The following CEP128 variants were observed in gnomAD, a reference collection of about 807,000 sequenced individuals.
CEP128 encodes the protein centrosomal protein 128kDa.
A neutral mutation model predicts 156.7 loss-of-function variants in CEP128; 132 were observed. The ratio of observed to expected loss-of-function variants is 0.84; its 90% CI spans 0.73 to 0.97. CEP128 has a LOEUF of 0.97. Among genes scored for constraint, CEP128 ranks in the 50% least tolerant of loss-of-function variants. The pLI, the probability that CEP128 is intolerant of heterozygous loss-of-function variation, is 0.00. For missense variants in CEP128, 1,252 were observed against 1,281.9 expected (o/e 0.98, Z 0.36); for synonymous variants, 469 against 448.9 (o/e 1.04, Z -0.57).
At chr14:80,616,770 T>C (rs908481498) in intron 19 of CEP128, among the ~76,000 whole-genome samples, 2 of 152,192 alleles carry the variant, frequency 1.3e-5, no homozygotes, top group Non-Finnish European at 2.9e-5. Context: ...GGTGTAACTG[T>C]AGTTTTAAAA....
chr14:80,809,611 CAA>C (rs1884388364), intron 13 of CEP128, among the ~76,000 whole-genome samples: 1 of 152,006 alleles, frequency 6.6e-6, no homozygotes, highest in Non-Finnish European at 1.5e-5. Context: ...CTAAAACCAC[CAA>C]AGAGGAAAGC....
intron 5 of CEP128, chr14:80,905,370 G>A (rs1883829374): frequency 6.4e-6 from 1 of 155,824 alleles, no homozygotes; most frequent in Admixed American, 6.3e-5. Context: ...TTTAATCATT[G>A]TTACCATAAT....
At chr14:80,654,594 A>C (rs932729302) in intron 19 of CEP128, among the ~76,000 whole-genome samples, 3 of 152,172 alleles carry the variant, frequency 2.0e-5, no homozygotes, top group African/African-American at 4.8e-5. Flanking sequence ...GTTTGGCTTG[A>C]AATGGTGTCT....
chr14:80,857,969 C>T (rs1033043070), intron 9 of CEP128, among the ~76,000 whole-genome samples: 4 of 152,068 alleles, frequency 2.6e-5, no homozygotes, highest in Non-Finnish European at 2.9e-5. Context: ...GGCCATACTG[C>T]CCAAGGTAAT....
chr14:80,604,299 TG>T, intron 19 of CEP128, among the ~76,000 whole-genome samples: 1 of 152,164 alleles, frequency 6.6e-6, no homozygotes. Flanking sequence ...GAAGTGTATA[TG>T]GTCAAGTATT....
intron 19 of CEP128, among the ~76,000 whole-genome samples, chr14:80,595,859 G>T (rs1892292306): frequency 6.6e-6 from 1 of 152,102 alleles, no homozygotes; most frequent in South Asian, 2.1e-4. Flanking sequence ...AAGAGAGTTT[G>T]TGTAGGGGAA....
At chr14:80,576,624 C>CGTGTGTGT (rs753148123) in intron 20 of CEP128, among the ~76,000 whole-genome samples, 34 of 112,778 alleles carry the variant, frequency 3.0e-4, no homozygotes, top group East Asian at 1.7e-3. Context: ...ATTACTCCGG[C>CGTGTGTGT]GTGTGTGTGT....
At chr14:80,698,385 C>T (rs998122804) in intron 19 of CEP128, among the ~76,000 whole-genome samples, 1 of 152,064 alleles carries the variant, frequency 6.6e-6, no homozygotes, top group Non-Finnish European at 1.5e-5. Context: ...AGGGAAGATG[C>T]CTACCATTTC....
At chr14:80,759,196 A>C (rs901360146) in intron 17 of CEP128, among the ~76,000 whole-genome samples, 2 of 152,224 alleles carry the variant, frequency 1.3e-5, no homozygotes, top group African/African-American at 4.8e-5. Context: ...ACTAAAGTGG[A>C]ATAAGTAACA....
chr14:80,821,879 T>G (rs1885206411), intron 13 of CEP128, among the ~76,000 whole-genome samples: 1 of 152,098 alleles, frequency 6.6e-6, no homozygotes, highest in Non-Finnish European at 1.5e-5. Flanking sequence ...TTTAAAGGAC[T>G]TACAGTTCCA....
rs141288923 is a variant in CEP128 at position 80,582,065 on chromosome 14, G to C, written c.2807-1642C>G. 1.8e-3 allele frequency among the ~76,000 whole-genome samples: 272 copies of C among 152,316 alleles called. 1 individual carries two copies. Among genetic ancestry groups the C allele is most frequent in the Non-Finnish European group, 3.5e-3 (235 of 68,028 alleles). ...TGAATAGGCCCAGGCCAACCTGCTAGATGACAACAGACACATGGTCTAGGA... is the reference window on the plus strand; with the variant it reads ...TGAATAGGCCCAGGCCAACCTGCTACATGACAACAGACACATGGTCTAGGA... On this transcript the variant is annotated intron_variant, in intron 19 of 24. Coordinates refer to ENST00000555265, the MANE Select transcript of CEP128 (RefSeq NM_152446.5).
chr14:80,493,117 T>G (rs1165021153), downstream of CEP128, among the ~76,000 whole-genome samples: 1 of 152,108 alleles, frequency 6.6e-6, no homozygotes, highest in African/African-American at 2.4e-5. Context: ...ACTAGAAGAA[T>G]AAAAAATGAG....
At chr14:80,735,008 CT>C (rs1269586629) in intron 19 of CEP128, among the ~76,000 whole-genome samples, 1 of 152,042 alleles carries the variant, frequency 6.6e-6, no homozygotes, top group Non-Finnish European at 1.5e-5. Context: ...ACCATATGAC[CT>C]AACAGGTATC....
At chr14:80,504,808 G>A (rs1887894210) in intron 24 of CEP128, 104 bp downstream of exon 24, 2 of 429,752 alleles carry the variant, frequency 4.7e-6, no homozygotes, top group Admixed American at 8.3e-5. Flanking sequence ...GATTTTCTCA[G>A]ACTTATGAAT....
At chr14:80,800,531 T>A (rs1883779920) in intron 13 of CEP128, among the ~76,000 whole-genome samples, 1 of 152,182 alleles carries the variant, frequency 6.6e-6, no homozygotes, top group African/African-American at 2.4e-5. Flanking sequence ...CCAGTATTGA[T>A]TCCACTTCAC....
intron 8 of CEP128, among the ~76,000 whole-genome samples, chr14:80,875,290 T>A (rs1359188781): frequency 1.3e-5 from 2 of 152,224 alleles, no homozygotes; most frequent in African/African-American, 4.8e-5. Context: ...AGTAATAAGA[T>A]AATCCAAGAT....
At chr14:80,944,966 A>G (rs1033893310), upstream of CEP128, among the ~76,000 whole-genome samples, 6 of 151,472 alleles carry the variant, frequency 4.0e-5, no homozygotes, top group African/African-American at 1.5e-4. Flanking sequence ...TACAAGTATC[A>G]TTTGCAGTAC....
chr14:80,477,628 T>C (rs781727460), exon 15 of CEP128: 9 of 152,336 alleles, frequency 5.9e-5, no homozygotes, highest in Non-Finnish European at 1.2e-4. Flanking sequence ...CCACACACCA[T>C]GGAAAGCTTA....
In CEP128 at chr14:80,858,989, C is replaced by T. The variant is rs1293401627; in HGVS notation, c.762+3768G>A. Among the ~76,000 whole-genome samples, 1,209 of 151,706 alleles carry T rather than the reference C, an allele frequency of 8.0e-3. 11 individuals carry two copies. The highest frequency in any genetic ancestry group is 0.024 in the African/African-American group (994 of 41,296). On this transcript the variant is annotated intron_variant, in intron 9 of 24. Transcript: ENST00000555265. The stretch of plus-strand genomic sequence containing the variant: ...TCAACCATTGTGGAAGTCAGTGTGG[C>T]GATTCCTCAGGGATCTAGAACTAGA...
Sources: allele counts gnomAD v4.1 joint callset (sites outside exome capture counted in the v4.1 genomes callset), GRCh38; gene constraint gnomAD v4.1.1; transcripts MANE v1.5; gene names NCBI Gene and HGNC (gene_info 2026-07-23, HGNC 2026-07-21).